Variants in SRSF7 observed in about 807,000 individuals in gnomAD.
SRSF7 encodes serine/arginine-rich splicing factor 7.
A neutral mutation model predicts 42.2 loss-of-function variants in SRSF7; 15 were observed. That is an observed-to-expected ratio of 0.36 (90% CI 0.24 to 0.55). The LOEUF is 0.55. Ranked by LOEUF, SRSF7 falls within the 20% of genes least tolerant of loss-of-function variation. The probability of loss-of-function intolerance (pLI) is 0.88; values close to 1 mark genes in which losing one functional copy is unlikely to be tolerated. For missense variants in SRSF7, 181 were observed against 305.9 expected (o/e 0.59, Z 3.04); for synonymous variants, 138 against 107.9 (o/e 1.28, Z -1.73).
intron 1 of SRSF7, 59 bp from the exon 2 acceptor site, chr2:38,750,253 T>G: frequency 2.0e-6 from 3 of 1,518,956 alleles, no homozygotes; most frequent in Non-Finnish European, 2.7e-6. Context: ...CAAGTTTCAA[T>G]TACTTATTTG....
chr2:38,751,135 G>T, intron 1 of SRSF7, 94 bp downstream of exon 1: 1 of 1,546,148 alleles, frequency 6.5e-7, no homozygotes, highest in Non-Finnish European at 8.9e-7. Context: ...TACGCACGCG[G>T]AATAACCGTC....
chr2:38,749,885 T>C, intron 2 of SRSF7, 129 bp downstream of exon 2: 2 of 1,282,550 alleles, frequency 1.6e-6, no homozygotes, highest in East Asian at 2.4e-5. Flanking sequence ...TTCGTGTGCC[T>C]TTAGCATTTA....
At chr2:38,749,156 C>A in intron 3 of SRSF7, 1 of 1,320,584 alleles carries the variant, frequency 7.6e-7, no homozygotes, top group Non-Finnish European at 1.0e-6. Flanking sequence ...CGGCGATCAC[C>A]GTCTCAAATT....
Position 38,746,178 on chromosome 2 carries a change from G to A in SRSF7, c.628C>T (p.Arg210Ter). ...SRSISRPRSS[R>*]SKSRSPSPKR... ...GGAGATGGAGATCTGGACTTTGATC[G>A]GCTGTCAAAACATGAGAAATTCTAT... is the stretch of plus-strand genomic sequence containing the variant. The change falls in exon 7 of 8, where the codon CGA becomes TGA. Residue 210 changes from arginine to a stop codon, truncating the protein, a stop_gained and splice_region_variant. Transcript: ENST00000313117. LOFTEE classifies it high-confidence loss of function. 2 of 1,613,968 alleles carry A rather than the reference G, an allele frequency of 1.2e-6. No homozygotes were observed. The highest frequency in any genetic ancestry group is 1.7e-6 in the Non-Finnish European group (2 of 1,179,978).
intron 5 of SRSF7, among the ~76,000 whole-genome samples, chr2:38,747,499 T>C (rs945633858): frequency 5.9e-5 from 9 of 152,168 alleles, no homozygotes; most frequent in African/African-American, 2.2e-4. Flanking sequence ...TTCCATTCTA[T>C]CTCCTTTTAA....
intron 5 of SRSF7, chr2:38,747,010 GA>G: frequency 1.6e-6 from 1 of 631,374 alleles, no homozygotes; most frequent in Non-Finnish European, 3.0e-6. Flanking sequence ...ATATCCAAGG[GA>G]AATACATGGT....
intron 7 of SRSF7, among the ~76,000 whole-genome samples, chr2:38,745,927 A>G (rs758686572): frequency 4.6e-5 from 7 of 152,196 alleles, no homozygotes; most frequent in Non-Finnish European, 1.0e-4. Flanking sequence ...ACATCTTAAT[A>G]ATCACCCTAA....
Position 38,744,019 on chromosome 2 carries a change from ACTGG to A in SRSF7, c.*1110_*1113del. 1.3e-5 allele frequency: 2 copies of A among 152,158 alleles called. No homozygotes were observed. The highest frequency in any genetic ancestry group is 4.8e-5 in the African/African-American group (2 of 41,424). The allele number at this position is 152,158 out of a possible 1,614,324, so 9.4% of individuals were successfully genotyped here. On this transcript the variant is annotated 3_prime_UTR_variant, in exon 8 of 8. Transcript: ENST00000313117. ...TACTTAAAATTTGAATAAAGAACCT[ACTGG>A]CTATGTAACATTCTAAGGTCTACCA...
At position 38,751,303 on chromosome 2, in the gene SRSF7, C is replaced by A; in HGVS notation, c.-47G>T. The stretch of plus-strand genomic sequence containing the variant: ...GCTCTTTAGCAAGCAGCGCCCAGGG[C>A]TCGAGTGACGCAAAAGCTGACACAC... On this transcript the variant is annotated 5_prime_UTR_variant, in exon 1 of 8. Coordinates refer to ENST00000313117, the MANE Select transcript of SRSF7 (RefSeq NM_001031684.3). 1.7e-5 allele frequency: 28 copies of A among 1,613,570 alleles called. No individual in the cohort carries two copies. Among genetic ancestry groups the A allele is most frequent in the Non-Finnish European group, 2.0e-5 (24 of 1,179,822 alleles).
intron 3 of SRSF7, chr2:38,748,857 T>C: frequency 7.3e-7 from 1 of 1,367,510 alleles, no homozygotes; most frequent in Non-Finnish European, 9.6e-7. Context: ...CAACTTAGCA[T>C]TACATAATAT....
At chr2:38,750,256 CTTAT>C (rs1252462397) in intron 1 of SRSF7, 62 bp from the exon 2 acceptor site, 2 of 1,501,744 alleles carry the variant, frequency 1.3e-6, no homozygotes, top group Non-Finnish European at 1.8e-6. Context: ...GTTTCAATTA[CTTAT>C]TTGCCTTAAA....
Position 38,744,800 on chromosome 2 carries a change from A to G in SRSF7, c.*333T>C. 1 of 230,146 alleles carries G rather than the reference A, an allele frequency of 4.3e-6. No homozygotes were observed. The highest frequency in any genetic ancestry group is 8.5e-6 in the Non-Finnish European group (1 of 117,808). The allele number at this position is 230,146 out of a possible 1,614,324, so 14.3% of individuals were successfully genotyped here. A position where few individuals can be genotyped will look rare whatever the true frequency, so the allele number is the denominator to read the frequency against. Reference sequence around the variant, plus strand: ...CTTAACCAACACCTTTCAATTCTGAATGTAGGTATGTATGAATAAGGTTAA... The same window carrying G: ...CTTAACCAACACCTTTCAATTCTGAGTGTAGGTATGTATGAATAAGGTTAA... On this transcript the variant is annotated 3_prime_UTR_variant, in exon 8 of 8. Transcript: ENST00000313117.
intron 3 of SRSF7, chr2:38,749,211 G>A: frequency 7.5e-7 from 1 of 1,338,052 alleles, no homozygotes; most frequent in Non-Finnish European, 9.9e-7. Flanking sequence ...TAGATGACTC[G>A]AGGGGATCTG....
chr2:38,746,124 C>G lies in SRSF7; in HGVS notation c.662+20G>C, dbSNP rs1667368288. ...GCCACACTTGACAGGCAAGATTTGG[C>G]AACAAAACATTTAGCTTACCTTCTT... is the stretch of plus-strand genomic sequence containing the variant. On this transcript the variant is annotated intron_variant, in intron 7 of 7. Coordinates refer to ENST00000313117, the MANE Select transcript of SRSF7 (RefSeq NM_001031684.3). 1 of 1,613,902 alleles carries G rather than the reference C, an allele frequency of 6.2e-7. No homozygotes were observed. The highest frequency in any genetic ancestry group is 1.1e-5 in the South Asian group (1 of 91,080).
chr2:38,751,402 C>T (rs565862308), upstream of SRSF7: 9 of 1,076,116 alleles, frequency 8.4e-6, no homozygotes, highest in Non-Finnish European at 1.2e-5. Flanking sequence ...GCGGCCGCTG[C>T]GCTTTGCGCA....
chr2:38,744,962 A>T lies in SRSF7; in HGVS notation c.*171T>A. ...CATTTTCAGACCATATGATGTTAAT[A>T]CATTCAACAAAATTTATATTATCTT... On this transcript the variant is annotated 3_prime_UTR_variant, in exon 8 of 8. Coordinates refer to ENST00000313117, the MANE Select transcript of SRSF7 (RefSeq NM_001031684.3). The T allele has an allele frequency of 3.4e-6, 2 of 592,684 alleles. No homozygotes were observed. Among genetic ancestry groups the T allele is most frequent in the African/African-American group, 3.7e-5 (2 of 53,822 alleles). The allele number at this position is 592,684 out of a possible 1,614,324, so 36.7% of individuals were successfully genotyped here.
At position 38,746,720 on chromosome 2, in the gene SRSF7, G is replaced by A; in HGVS notation, c.600C>T (p.Ser200=). ...FQSPSRSRSR[S]RSISRPRSSR... ...TGCTTCTTGGTCGTGAAATAGACCT[G>A]GATCTTGATCTTGACCTCGACGGGG... The change falls in exon 6 of 8, where the codon TCC becomes TCT. Residue 200 remains serine, a synonymous_variant. Transcript: ENST00000313117. 1 of 1,613,600 alleles carries A rather than the reference G, an allele frequency of 6.2e-7. No individual in the cohort carries two copies. Among genetic ancestry groups the A allele is most frequent in the East Asian group, 2.2e-5 (1 of 44,866 alleles).
chr2:38,748,844 T>C, intron 3 of SRSF7, 191 bp from the exon 4 acceptor site: 1 of 1,344,898 alleles, frequency 7.4e-7, no homozygotes, highest in Non-Finnish European at 9.8e-7. Flanking sequence ...AAAAGCTGAA[T>C]TACAACTTAG....
At chr2:38,746,996 T>C (rs1339688695) in intron 5 of SRSF7, 1 of 666,760 alleles carries the variant, frequency 1.5e-6, no homozygotes, top group African/African-American at 1.8e-5. Context: ...TCAAACACTG[T>C]GTAATATCCA....
Sources: allele counts gnomAD v4.1 joint callset (sites outside exome capture counted in the v4.1 genomes callset), GRCh38; gene constraint gnomAD v4.1.1; transcripts MANE v1.5; gene names NCBI Gene and HGNC (gene_info 2026-07-23, HGNC 2026-07-21).